NLRP9: variants seen among roughly 807,000 people sequenced by gnomAD.
The protein encoded by NLRP9 is NACHT, LRR and PYD domains-containing protein 9.
In NLRP9, 88 loss-of-function variants were observed where a neutral mutation model predicts 83.1. The ratio of observed to expected loss-of-function variants is 1.06; its 90% CI spans 0.89 to 1.26. NLRP9 has a LOEUF of 1.26. Among genes scored for constraint, NLRP9 ranks in the 50% most tolerant of loss-of-function variants. The pLI is 0.00. For missense variants in NLRP9, 1,308 were observed against 1,179.3 expected (o/e 1.11, Z -1.60); for synonymous variants, 521 against 447.6 (o/e 1.16, Z -2.07).
Position 55,732,583 on chromosome 19 carries a change from C to T in NLRP9, c.1248G>A (p.Arg416=). The change falls in exon 2 of 9, where the codon CGG becomes CGA. Residue 416 remains arginine (R), a synonymous_variant. Coordinates refer to ENST00000332836, the MANE Select transcript of NLRP9 (RefSeq NM_176820.4). ...CCTCAGACTCAGATAACCCATTCCTCCGGAGATCCCCATGGGAAAATACAA... is the reference window on the plus strand; with the variant it reads ...CCTCAGACTCAGATAACCCATTCCTTCGGAGATCCCCATGGGAAAATACAA... ...YTFVFSHGDL[R]RNGLSESEGV... 1 of 1,614,204 alleles carries T rather than the reference C, an allele frequency of 6.2e-7. No individual in the cohort carries two copies. Among genetic ancestry groups the T allele is most frequent in the Non-Finnish European group, 8.5e-7 (1 of 1,180,030 alleles).
chr19:55,709,261 CAATT>C lies in NLRP9; in HGVS notation c.2844-221_2844-218del, dbSNP rs566248531. The C allele has an allele frequency of 1.3e-3, 416 of 325,166 alleles. 6 individuals carry two copies. In the East Asian group the frequency reaches 0.02, roughly 15 times the overall value. The allele number at this position is 325,166 out of a possible 1,614,324, so 20.1% of individuals were successfully genotyped here. ...GTGAAATTTCATATACAGGATGTAT[CAATT>C]AAGATTTAATTCAAAAAAGATGAAT... On this transcript the variant is annotated intron_variant, in intron 8 of 8. Coordinates refer to ENST00000332836, the MANE Select transcript of NLRP9 (RefSeq NM_176820.4).
rs972919830 is a variant in NLRP9, at chr19:55,715,249, C to T, written c.2331-24G>A. On this transcript the variant is annotated intron_variant, in intron 5 of 8. Coordinates refer to ENST00000332836, the MANE Select transcript of NLRP9 (RefSeq NM_176820.4). ...ACCTGCAAAGAAACACACCGTCTCC[C>T]AGCCTGCTGAACAGCAGTACATCAT... 8 of 1,604,990 alleles carry T rather than the reference C, an allele frequency of 5.0e-6. No individual in the cohort carries two copies. The South Asian group carries it at 6.7e-5, about 13-fold the overall frequency.
rs1479096048 is a variant in NLRP9, at chr19:55,715,126, G to T, written c.2430C>A (p.Ala810=). Residue 810 remains alanine, a synonymous_variant, in exon 6 of 9, where the codon GCC becomes GCA. Transcript: ENST00000332836. ...SLSLLDLGSN[A]LEDNGVASLC... Reference sequence around the variant, plus strand: ...GAGATGCCACTCCATTATCTTCCAGGGCATTTGAGCCCAGATCGAGGAGGG... The same window carrying T: ...GAGATGCCACTCCATTATCTTCCAGTGCATTTGAGCCCAGATCGAGGAGGG... 2.0e-5 allele frequency: 32 copies of T among 1,613,094 alleles called. No homozygotes were observed. Among genetic ancestry groups the T allele is most frequent in the Non-Finnish European group, 2.6e-5 (31 of 1,179,896 alleles).
chr19:55,722,037 C>G (rs1988242842), intron 4 of NLRP9, among the ~76,000 whole-genome samples: 1 of 152,172 alleles, frequency 6.6e-6, no homozygotes, highest in African/African-American at 2.4e-5. Context: ...GCAGCACCCT[C>G]CCCACTCAAC....
intron 8 of NLRP9, 95 bp downstream of exon 8, chr19:55,711,705 C>T (rs926604856): frequency 5.5e-5 from 70 of 1,263,914 alleles, no homozygotes; most frequent in Admixed American, 3.9e-5. Context: ...AACAACCCTC[C>T]AGCCTGGCAT....
Position 55,733,193 on chromosome 19 carries a change from A to G in NLRP9, c.638T>C (p.Ile213Thr). 6.2e-7 allele frequency: 1 copy of G among 1,613,754 alleles called. No homozygotes were observed. Among genetic ancestry groups the G allele is most frequent in the African/African-American group, 1.3e-5 (1 of 75,034 alleles). Residue 213 changes from isoleucine (I) to threonine (T), a missense_variant, in exon 2 of 9, where the codon ATC (isoleucine) becomes ACC (threonine). Transcript: ENST00000332836. ...SRDWPESSEKIEDIFSQPERI... is the reference protein window; with the variant it reads ...SRDWPESSEKTEDIFSQPERI... ...CTCTGGCTGGGAAAAAATGTCTTCGATCTTCTCTGAAGACTCCGGCCAGTC... is the reference window on the plus strand; with the variant it reads ...CTCTGGCTGGGAAAAAATGTCTTCGGTCTTCTCTGAAGACTCCGGCCAGTC...
chr19:55,732,748 G>A lies in NLRP9; in HGVS notation c.1083C>T (p.Ser361=). 6.2e-7 allele frequency: 1 copy of A among 1,614,102 alleles called. No individual in the cohort carries two copies. The highest frequency in any genetic ancestry group is 8.5e-7 in the Non-Finnish European group (1 of 1,180,028). ...LERGEDLEIN[S]QNTTYLYASF... ...ATGCATATAAATAGGTGGTGTTTTGGGAGTTTATTTCAAGGTCTTCTCCCC... is the reference window on the plus strand; with the variant it reads ...ATGCATATAAATAGGTGGTGTTTTGAGAGTTTATTTCAAGGTCTTCTCCCC... Residue 361 remains serine, a synonymous_variant, in exon 2 of 9, where the codon TCC becomes TCT. Coordinates refer to ENST00000332836, the MANE Select transcript of NLRP9 (RefSeq NM_176820.4).
rs746509094 is a variant in NLRP9 at position 55,738,119 on chromosome 19, T to C, written c.256A>G (p.Thr86Ala). 1.2e-6 allele frequency: 2 copies of C among 1,614,182 alleles called. No individual in the cohort carries two copies. Among genetic ancestry groups the C allele is most frequent in the Non-Finnish European group, 1.7e-6 (2 of 1,180,024 alleles). Reference protein sequence around the residue: ...FLQINRKDLWTKAQEEMRNKL... With the variant: ...FLQINRKDLWAKAQEEMRNKL... ...CTTCTCATCTCTTCCTGAGCCTTTG[T>C]CCAGAGATCTTTCCTATTGATCTGT... Residue 86 changes from threonine to alanine, a missense_variant, in exon 1 of 9, where the codon ACA (threonine) becomes GCA (alanine). Thr to Ala is a moderately conservative substitution (Grantham distance 58). Coordinates refer to ENST00000332836, the MANE Select transcript of NLRP9 (RefSeq NM_176820.4).
intron 4 of NLRP9, among the ~76,000 whole-genome samples, chr19:55,718,223 G>A (rs1197975170): frequency 6.6e-6 from 1 of 152,206 alleles, no homozygotes; most frequent in African/African-American, 2.4e-5. Flanking sequence ...GAAAGCCTGG[G>A]TATTGTCCAA....
chr19:55,712,608 A>C lies in NLRP9; in HGVS notation c.2502-18T>G. 1 of 1,609,598 alleles carries C rather than the reference A, an allele frequency of 6.2e-7. No individual in the cohort carries two copies. Among genetic ancestry groups the C allele is most frequent in the Non-Finnish European group, 8.5e-7 (1 of 1,178,046 alleles). On this transcript the variant is annotated intron_variant, in intron 6 of 8. Transcript: ENST00000332836. Reference sequence around the variant, plus strand: ...CCATCAACCTGGGGAGGTGGAAGACACACAAATACGTACACTTATGAGGTC... The same window carrying C: ...CCATCAACCTGGGGAGGTGGAAGACCCACAAATACGTACACTTATGAGGTC...
In NLRP9 at chr19:55,724,023, A is replaced by G; in HGVS notation, c.2116T>C (p.Cys706Arg). 1 of 1,614,134 alleles carries G rather than the reference A, an allele frequency of 6.2e-7. No individual in the cohort carries two copies. Among genetic ancestry groups the G allele is most frequent in the Non-Finnish European group, 8.5e-7 (1 of 1,179,976 alleles). ...CACATTGGATGTTTCAGCGTCTCAC[A>G]CAGGTGTCTGATGTCAGACTGGGAG... ...SLSQSDIRHLCETLKHPMCKI... is the reference protein window; with the variant it reads ...SLSQSDIRHLRETLKHPMCKI... The change falls in exon 4 of 9, where the codon TGT becomes CGT. Residue 706 changes from cysteine to arginine, a missense_variant. Coordinates refer to ENST00000332836, the MANE Select transcript of NLRP9 (RefSeq NM_176820.4).
rs781342120 is a variant in NLRP9 at position 55,732,471 on chromosome 19, C to T, written c.1360G>A (p.Ala454Thr). 2.2e-5 allele frequency: 35 copies of T among 1,614,138 alleles called. No homozygotes were observed. Among genetic ancestry groups the T allele is most frequent in the Non-Finnish European group, 3.0e-5 (35 of 1,180,018 alleles). ...MHLCIQEFCA[A>T]MFYLLKRPKD... is the part of the protein sequence containing the mutation. ...GGTCGTTTGAGCAAATAAAACATGG[C>T]GGCACAAAACTCTTGGATACACAGA... Residue 454 changes from alanine to threonine, a missense_variant, in exon 2 of 9, where the codon GCC becomes ACC. Ala to Thr is a moderately conservative substitution (Grantham distance 58). Transcript: ENST00000332836.
chr19:55,727,795 T>C (rs1034991954), intron 3 of NLRP9, among the ~76,000 whole-genome samples: 6 of 152,306 alleles, frequency 3.9e-5, no homozygotes, highest in South Asian at 2.1e-4. Flanking sequence ...CCATCCATCA[T>C]GGAGGTTTAG....
intron 6 of NLRP9, among the ~76,000 whole-genome samples, chr19:55,714,058 G>A (rs1369662801): frequency 6.6e-6 from 1 of 150,556 alleles, no homozygotes; most frequent in Admixed American, 6.7e-5. Flanking sequence ...ACATGCATGT[G>A]TGTGTATCTG....
intron 4 of NLRP9, among the ~76,000 whole-genome samples, chr19:55,721,234 G>A (rs1988215383): frequency 6.6e-6 from 1 of 152,170 alleles, no homozygotes; most frequent in African/African-American, 2.4e-5. Context: ...GTGGTGATTG[G>A]TATATGGGAC....
At chr19:55,714,915 G>A (rs1987946638) in intron 6 of NLRP9, 140 bp downstream of exon 6, 4 of 715,442 alleles carry the variant, frequency 5.6e-6, no homozygotes, top group Admixed American at 2.7e-5. Flanking sequence ...CCATCAGCCT[G>A]GGGGTGAGGA....
At chr19:55,729,490 G>A (rs940876928) in intron 3 of NLRP9, among the ~76,000 whole-genome samples, 6 of 151,914 alleles carry the variant, frequency 3.9e-5, no homozygotes, top group Admixed American at 1.3e-4. Context: ...GCGTTGTTTG[G>A]TTTTTTGTCC....
At chr19:55,719,891 C>A (rs930043120) in intron 4 of NLRP9, among the ~76,000 whole-genome samples, 5 of 152,108 alleles carry the variant, frequency 3.3e-5, no homozygotes, top group African/African-American at 1.2e-4. Flanking sequence ...TAGCCAGAGA[C>A]AAGACACATT....
In NLRP9 at chr19:55,733,289, A is replaced by G; in HGVS notation, c.542T>C (p.Phe181Ser). Reference sequence around the variant, plus strand: ...TTCACAGACATTGAGGAAAAACACAAATGTGAACCTGTCCTTCCATAAGTT... The same window carrying G: ...TTCACAGACATTGAGGAAAAACACAGATGTGAACCTGTCCTTCCATAAGTT... The part of the protein sequence containing the change: ...EGNLWKDRFT[F>S]VFFLNVCEMN... The change falls in exon 2 of 9, where the codon TTT (phenylalanine) becomes TCT (serine). Residue 181 changes from phenylalanine to serine, a missense_variant. Phe to Ser is a radical substitution (Grantham distance 155). Coordinates refer to ENST00000332836, the MANE Select transcript of NLRP9 (RefSeq NM_176820.4). 1 of 1,614,058 alleles carries G rather than the reference A, an allele frequency of 6.2e-7. No homozygotes were observed. The highest frequency in any genetic ancestry group is 1.3e-5 in the African/African-American group (1 of 75,032).
Sources: gnomAD v4.1 joint callset for allele counts (sites outside exome capture counted in the v4.1 genomes callset) on GRCh38, gnomAD v4.1.1 for gene constraint, MANE v1.5 for transcripts, NCBI Gene and HGNC (gene_info 2026-07-23, HGNC 2026-07-21) for gene names.